FSTL4: variants seen among roughly 807,000 people sequenced by gnomAD.
FSTL4 encodes follistatin like 4.
FSTL4 carries 28 observed loss-of-function variants against 78.2 expected under a neutral mutation model. The observed-to-expected ratio is 0.36, with a 90% CI of 0.27 to 0.49. The LOEUF is 0.49. Ranked by LOEUF, FSTL4 falls within the 20% of genes least tolerant of loss-of-function variation. FSTL4 has a pLI of 0.98. For missense variants in FSTL4, 922 were observed against 1,084.9 expected, an observed-to-expected ratio of 0.85 and a Z score of 2.11; for synonymous variants, 422 against 440.5, an observed-to-expected ratio of 0.96 and a Z score of 0.53.
chr5:133,546,505 CAAAAAAAA>C lies in FSTL4; in HGVS notation c.160+20673_160+20680del, dbSNP rs71581365. ...TGGCTGACAGAGCGAGACTTTGTCT[CAAAAAAAA>C]AAAAAAAAAAAAAAAAAAGAGTGAA... On this transcript the variant is annotated intron_variant, in intron 3 of 15. Transcript: ENST00000265342. Among the ~76,000 whole-genome samples, 212 of 75,444 alleles carry C rather than the reference CAAAAAAAA, an allele frequency of 2.8e-3. 2 individuals carry two copies. The highest frequency in any genetic ancestry group is 7.1e-3 in the African/African-American group (155 of 21,722). The allele number at this position is 75,444 out of a possible 152,430, so 49.5% of individuals were successfully genotyped here.
At chr5:133,483,942 C>T (rs571411671) in intron 3 of FSTL4, among the ~76,000 whole-genome samples, 4 of 152,296 alleles carry the variant, frequency 2.6e-5, no homozygotes, top group East Asian at 1.9e-4. Context: ...GGCCTCCAAG[C>T]GAGAATGTCC....
chr5:133,498,592 C>T (rs151121137), intron 3 of FSTL4, among the ~76,000 whole-genome samples: 3 of 151,998 alleles, frequency 2.0e-5, no homozygotes, highest in African/African-American at 4.8e-5. Context: ...GTGGCACACA[C>T]CTGCAATCTC....
chr5:133,427,410 G>A (rs758865874), intron 3 of FSTL4, among the ~76,000 whole-genome samples: 1 of 152,168 alleles, frequency 6.6e-6, no homozygotes, highest in Non-Finnish European at 1.5e-5. Flanking sequence ...CACTTCCGAG[G>A]CTTGCCTTTC....
the FSTL4 span, among the ~76,000 whole-genome samples, chr5:133,822,714 T>C: frequency 6.6e-5 from 10 of 152,158 alleles, no homozygotes; most frequent in Non-Finnish European, 1.0e-4. Flanking sequence ...ATCCCATCTT[T>C]AATAAATAGT....
At chr5:133,257,586 T>G (rs1228464561) in intron 6 of FSTL4, among the ~76,000 whole-genome samples, 1 of 152,132 alleles carries the variant, frequency 6.6e-6, no homozygotes. Flanking sequence ...CAGAACTCAG[T>G]GCCCAGGGGC....
the FSTL4 span, among the ~76,000 whole-genome samples, chr5:133,829,710 T>C: frequency 6.6e-6 from 1 of 152,308 alleles, no homozygotes; most frequent in Admixed American, 6.5e-5. Flanking sequence ...CAGGGAGAGA[T>C]AGAAGAACCT....
chr5:133,670,796 A>G, the FSTL4 span, among the ~76,000 whole-genome samples: 1 of 152,332 alleles, frequency 6.6e-6, no homozygotes, highest in Admixed American at 6.5e-5. Flanking sequence ...GGGTCTTCAG[A>G]GGGAGTGAGT....
chr5:133,695,911 T>C, the FSTL4 span, among the ~76,000 whole-genome samples: 3 of 152,246 alleles, frequency 2.0e-5, no homozygotes, highest in Non-Finnish European at 4.4e-5. Context: ...CAGGTTCCAA[T>C]GTCTGCTTCT....
chr5:133,783,765 T>C, the FSTL4 span, among the ~76,000 whole-genome samples: 1 of 152,236 alleles, frequency 6.6e-6, no homozygotes, highest in East Asian at 1.9e-4. Context: ...TTCTCCAGAC[T>C]GGACTGTAGT....
chr5:133,761,502 C>T, the FSTL4 span, among the ~76,000 whole-genome samples: 1 of 152,176 alleles, frequency 6.6e-6, no homozygotes, highest in Non-Finnish European at 1.5e-5. Context: ...AAGTCTAATT[C>T]AAGCCCCATT....
the FSTL4 span, among the ~76,000 whole-genome samples, chr5:133,721,800 G>A: frequency 6.6e-6 from 1 of 152,134 alleles, no homozygotes; most frequent in Non-Finnish European, 1.5e-5. Flanking sequence ...TGAGCATCAT[G>A]AATTTGGATG....
chr5:133,360,905 C>T (rs1218682030), intron 4 of FSTL4, among the ~76,000 whole-genome samples: 2 of 152,180 alleles, frequency 1.3e-5, no homozygotes, highest in Non-Finnish European at 2.9e-5. Context: ...GCTTAATTGC[C>T]ATCTTACCGT....
chr5:133,492,579 T>C (rs921008343), intron 3 of FSTL4, among the ~76,000 whole-genome samples: 2 of 152,224 alleles, frequency 1.3e-5, no homozygotes, highest in African/African-American at 4.8e-5. Context: ...CAATTAGAAA[T>C]TGTTCCTTTG....
the FSTL4 span, among the ~76,000 whole-genome samples, chr5:133,643,812 A>G: frequency 1.3e-5 from 2 of 152,232 alleles, no homozygotes; most frequent in African/African-American, 2.4e-5. Context: ...GCTCACAATG[A>G]TCAGAGAGAA....
At chr5:133,556,680 G>A (rs978160761) in intron 3 of FSTL4, among the ~76,000 whole-genome samples, 1 of 152,050 alleles carries the variant, frequency 6.6e-6, no homozygotes, top group Non-Finnish European at 1.5e-5. Context: ...AAAGTTCAGG[G>A]CTCCTGAACA....
At chr5:133,454,185 C>T (rs1471821522) in intron 3 of FSTL4, among the ~76,000 whole-genome samples, 1 of 151,988 alleles carries the variant, frequency 6.6e-6, no homozygotes, top group Non-Finnish European at 1.5e-5. Context: ...AAAAAAACAA[C>T]AACAACTAGG....
chr5:133,282,760 C>T (rs1753038939), intron 6 of FSTL4, among the ~76,000 whole-genome samples: 7 of 152,160 alleles, frequency 4.6e-5, no homozygotes. Flanking sequence ...CACCTGGGCT[C>T]AGCCCCATTG....
the FSTL4 span, among the ~76,000 whole-genome samples, chr5:133,682,346 T>A: frequency 7.2e-5 from 11 of 152,210 alleles, no homozygotes; most frequent in Admixed American, 2.0e-4. Flanking sequence ...ATAGCACCCA[T>A]CTCACTGCAT....
At chr5:133,664,278 C>A in the FSTL4 span, among the ~76,000 whole-genome samples, 1 of 151,914 alleles carries the variant, frequency 6.6e-6, no homozygotes, top group Non-Finnish European at 1.5e-5. Flanking sequence ...AGACCCTGAT[C>A]TGGAAACATG....
Sources: gnomAD v4.1 joint callset for allele counts (sites outside exome capture counted in the v4.1 genomes callset) on GRCh38, gnomAD v4.1.1 for gene constraint, MANE v1.5 for transcripts, NCBI Gene and HGNC (gene_info 2026-07-23, HGNC 2026-07-21) for gene names.